ARHGEF37: variants seen among roughly 807,000 people sequenced by gnomAD.
ARHGEF37 encodes the protein Rho guanine nucleotide exchange factor (GEF) 37.
ARHGEF37 carries 55 observed loss-of-function variants against 71.1 expected under a neutral mutation model. The ratio of observed to expected loss-of-function variants is 0.77; its 90% CI spans 0.62 to 0.97. ARHGEF37 has a LOEUF of 0.97. Ranked by LOEUF, ARHGEF37 falls within the 50% of genes least tolerant of loss-of-function variation. The pLI is 0.00. For missense variants in ARHGEF37, 765 were observed against 836.8 expected (o/e 0.91, Z 1.06); for synonymous variants, 327 against 350.6 (o/e 0.93, Z 0.75).
Position 149,631,975 on chromosome 5 carries a change from G to GACCTGAAACACAT in ARHGEF37, c.1819-7_1819-6insACCTGAAACACAT, listed in dbSNP as rs1311703048. ...ACCATTTCTGTGTCACTCCCCATGT[G>GACCTGAAACACAT]TTTCAGGTCATAGCCGCGTACCCTT... On this transcript the variant is annotated splice_polypyrimidine_tract_variant and splice_region_variant and intron_variant, in intron 12 of 12. Transcript: ENST00000333677. 26 of 1,613,876 alleles carry GACCTGAAACACAT rather than the reference G, an allele frequency of 1.6e-5. No homozygotes were observed. Among genetic ancestry groups the GACCTGAAACACAT allele is most frequent in the Non-Finnish European group, 2.0e-5 (24 of 1,179,900 alleles).
chr5:149,608,833 T>C (rs1357113013), intron 3 of ARHGEF37, among the ~76,000 whole-genome samples: 1 of 152,142 alleles, frequency 6.6e-6, no homozygotes, highest in Non-Finnish European at 1.5e-5. Flanking sequence ...TGCTGTAGCA[T>C]GTCTTTGTAA....
At chr5:149,579,864 C>A (rs1452879435), upstream of ARHGEF37, among the ~76,000 whole-genome samples, 1 of 151,980 alleles carries the variant, frequency 6.6e-6, no homozygotes, top group Admixed American at 6.6e-5. Context: ...GGATTACAGG[C>A]GTGAACCACC....
At chr5:149,553,747 T>C (rs1392536806) in intron 1 of ARHGEF37, among the ~76,000 whole-genome samples, 2 of 152,264 alleles carry the variant, frequency 1.3e-5, no homozygotes, top group Admixed American at 6.5e-5. Context: ...ATCTTTCATT[T>C]ATTTATCTGA....
intron 4 of ARHGEF37, among the ~76,000 whole-genome samples, chr5:149,610,802 C>T (rs543726537): frequency 1.5e-4 from 23 of 152,340 alleles, no homozygotes; most frequent in East Asian, 3.9e-4. Flanking sequence ...CCCTGTGTAG[C>T]GTGCAGCTGC....
At chr5:149,610,368 A>G (rs1258545413) in intron 4 of ARHGEF37, among the ~76,000 whole-genome samples, 1 of 152,248 alleles carries the variant, frequency 6.6e-6, no homozygotes, top group Non-Finnish European at 1.5e-5. Flanking sequence ...GCTTAGAATT[A>G]GCACCAATGG....
intron 1 of ARHGEF37, among the ~76,000 whole-genome samples, chr5:149,555,310 C>T (rs1762738757): frequency 6.6e-6 from 1 of 151,774 alleles, no homozygotes; most frequent in Non-Finnish European, 1.5e-5. Context: ...TAATGCTTTG[C>T]AATTTACTTA....
Position 149,561,892 on chromosome 5 carries a change from C to G in ARHGEF37, c.-12+9769C>G, listed in dbSNP as rs1412978751. On this transcript the variant is annotated intron_variant, in intron 1 of 2. Coordinates refer to the ARHGEF37 transcript ENST00000505810. ...CAATTTCTATGTCCCTTTCTTTTCT[C>G]AGCCCCTGTTCTCTTCCTCTGCATT... Among the ~76,000 whole-genome samples, 3 of 152,172 alleles carry G rather than the reference C, an allele frequency of 2.0e-5. No homozygotes were observed. The East Asian group carries it at 5.8e-4, about 29-fold the overall frequency.
chr5:149,554,907 C>T (rs1427026204), intron 1 of ARHGEF37, among the ~76,000 whole-genome samples: 4 of 151,718 alleles, frequency 2.6e-5, no homozygotes, highest in Non-Finnish European at 5.9e-5. Context: ...CCAAGGCAGG[C>T]GGATCACAAG....
chr5:149,552,297 A>G (rs1027859686), intron 1 of ARHGEF37, among the ~76,000 whole-genome samples: 8 of 150,166 alleles, frequency 5.3e-5, no homozygotes, highest in African/African-American at 1.7e-4. Flanking sequence ...AACAGAGTAG[A>G]GGTAACTATT....
chr5:149,560,949 G>C (rs928628734), intron 1 of ARHGEF37, among the ~76,000 whole-genome samples: 1 of 151,902 alleles, frequency 6.6e-6, no homozygotes, highest in Non-Finnish European at 1.5e-5. Context: ...TTCTCTAACC[G>C]CAAAACATAC....
chr5:149,589,846 TA>T (rs1211725797), intron 1 of ARHGEF37, among the ~76,000 whole-genome samples: 1 of 151,904 alleles, frequency 6.6e-6, no homozygotes, highest in African/African-American at 2.4e-5. Context: ...TTTTTTTTTT[TA>T]ATAGAGATGG....
At chr5:149,618,848 A>T (rs1474399632) in intron 6 of ARHGEF37, 90 bp from the exon 7 acceptor site, 2 of 1,047,092 alleles carry the variant, frequency 1.9e-6, no homozygotes, top group Non-Finnish European at 3.0e-6. Context: ...AGTCTGTGGA[A>T]AGGTTGTCCC....
intron 2 of ARHGEF37, among the ~76,000 whole-genome samples, chr5:149,599,922 G>A (rs1430135209): frequency 6.6e-6 from 1 of 152,054 alleles, no homozygotes; most frequent in Admixed American, 6.5e-5. Flanking sequence ...TTCTCTATAG[G>A]CATTAAACAA....
upstream of ARHGEF37, among the ~76,000 whole-genome samples, chr5:149,579,177 G>A (rs1393451475): frequency 4.6e-5 from 7 of 152,102 alleles, no homozygotes; most frequent in African/African-American, 1.2e-4. Flanking sequence ...GAAAAAAAGC[G>A]CAAAGTAAAA....
chr5:149,577,527 A>T (rs1385316530), upstream of ARHGEF37, among the ~76,000 whole-genome samples: 7 of 152,094 alleles, frequency 4.6e-5, no homozygotes, highest in South Asian at 4.1e-4. Flanking sequence ...TCTAATGATT[A>T]AAAAAAATGG....
chr5:149,594,295 C>G lies in ARHGEF37; in HGVS notation c.-11-3464C>G, dbSNP rs550244971. Among the ~76,000 whole-genome samples the G allele has an allele frequency of 3.9e-5, 6 of 152,314 alleles. No homozygotes were observed. The South Asian group carries it at 1.2e-3, about 32-fold the overall frequency. On this transcript the variant is annotated intron_variant, in intron 1 of 12. Transcript: ENST00000333677. ...TTAGCAACAGTTTTGAGTTGTGGAA[C>G]CTGAATAGCTTTCCTGAAATTCTAT...
intron 1 of ARHGEF37, among the ~76,000 whole-genome samples, chr5:149,556,037 G>A (rs1180817881): frequency 6.6e-6 from 1 of 152,146 alleles, no homozygotes; most frequent in African/African-American, 2.4e-5. Flanking sequence ...CTGGTATCCA[G>A]AATGTGCTTT....
chr5:149,598,889 A>G (rs1391585979), intron 2 of ARHGEF37, among the ~76,000 whole-genome samples: 1 of 151,892 alleles, frequency 6.6e-6, no homozygotes, highest in African/African-American at 2.4e-5. Context: ...TCAATCAAGA[A>G]GAGGCAAAGG....
At chr5:149,588,757 A>C (rs1183586713) in intron 1 of ARHGEF37, among the ~76,000 whole-genome samples, 1 of 152,238 alleles carries the variant, frequency 6.6e-6, no homozygotes, top group East Asian at 1.9e-4. Flanking sequence ...AGAAAGGGAA[A>C]GAAAAAAAAT....
Sources: allele counts gnomAD v4.1 joint callset (sites outside exome capture counted in the v4.1 genomes callset), GRCh38; gene constraint gnomAD v4.1.1; transcripts MANE v1.5; gene names NCBI Gene and HGNC (gene_info 2026-07-23, HGNC 2026-07-21).